SMPD3: variants seen among roughly 807,000 people sequenced by gnomAD.
SMPD3 encodes the protein sphingomyelin phosphodiesterase 3.
A neutral mutation model predicts 55.7 loss-of-function variants in SMPD3; 21 were observed. That is an observed-to-expected ratio of 0.38 (90% confidence interval 0.27 to 0.54). The LOEUF (loss-of-function observed/expected upper bound fraction) is 0.54. SMPD3 is among the 20% of genes least tolerant of loss of function. SMPD3 has a pLI of 0.80. For synonymous variants in SMPD3, 457 were observed against 404.3 expected, an observed-to-expected ratio of 1.13 and a Z score of -1.56; for missense variants, 842 against 899.6, an observed-to-expected ratio of 0.94 and a Z score of 0.82.
chr16:68,412,697 T>A (rs1211796692), intron 1 of SMPD3, among the ~76,000 whole-genome samples: 2 of 152,240 alleles, frequency 1.3e-5, no homozygotes, highest in East Asian at 3.8e-4. Context: ...CAGTGAGGAA[T>A]CAGCCTGGAA....
In SMPD3 at chr16:68,447,620, C is replaced by T. The variant is rs1229254610; in HGVS notation, c.-269+733G>A. ...GCGCGGGGGATTCCGAGTGTCAGTG[C>T]TTTCCTCCACCCGCGACTCCGAGAA... On this transcript the variant is annotated intron_variant, in intron 1 of 8. Coordinates refer to ENST00000219334, the MANE Select transcript of SMPD3 (RefSeq NM_018667.4). The surrounding 1 kb of genome is among the most constrained non-coding windows in gnomAD (Gnocchi z 5.1). 6.6e-6 allele frequency among the ~76,000 whole-genome samples: 1 copy of T among 152,162 alleles called. No individual in the cohort carries two copies. The highest frequency in any genetic ancestry group is 1.5e-5 in the Non-Finnish European group (1 of 67,990).
chr16:68,361,144 A>C lies in SMPD3; in HGVS notation c.*62T>G. 6.8e-7 allele frequency: 1 copy of C among 1,471,318 alleles called. No individual in the cohort carries two copies. Among genetic ancestry groups the C allele is most frequent in the Non-Finnish European group, 9.4e-7 (1 of 1,062,658 alleles). 91.1% of individuals were successfully genotyped at this position (1,471,318 alleles called of 1,614,324 possible). On this transcript the variant is annotated 3_prime_UTR_variant, in exon 9 of 9. Transcript: ENST00000219334. ...AAGCACCGGGCACTCGATGGAGGGGACATGGCCCAGGGATGGGCTGCAGCT... is the reference window on the plus strand; with the variant it reads ...AAGCACCGGGCACTCGATGGAGGGGCCATGGCCCAGGGATGGGCTGCAGCT...
intron 2 of SMPD3, among the ~76,000 whole-genome samples, chr16:68,381,475 G>A (rs967664784): frequency 1.3e-5 from 2 of 152,222 alleles, no homozygotes; most frequent in Non-Finnish European, 2.9e-5. Flanking sequence ...GGAGCACCTG[G>A]AACCTGATGT....
intron 2 of SMPD3, among the ~76,000 whole-genome samples, chr16:68,378,099 GCCT>G (rs2151992887): frequency 6.6e-6 from 1 of 152,328 alleles, no homozygotes; most frequent in African/African-American, 2.4e-5. Flanking sequence ...GAGCAGAGAG[GCCT>G]CCTCTGAGTC....
At chr16:68,411,439 C>T (rs75721763) in intron 1 of SMPD3, among the ~76,000 whole-genome samples, 227 of 152,340 alleles carry the variant, frequency 1.5e-3, no homozygotes, top group African/African-American at 5.3e-3. Flanking sequence ...AAATGAGCAC[C>T]TACCCATCTT....
At chr16:68,361,379 G>T in intron 8 of SMPD3, 72 bp from the exon 9 acceptor site, 2 of 1,501,282 alleles carry the variant, frequency 1.3e-6, no homozygotes, top group Non-Finnish European at 9.1e-7. Flanking sequence ...GCGGCCTGGG[G>T]ATCCCCAAAG....
At chr16:68,378,964 C>G (rs555856528) in intron 2 of SMPD3, among the ~76,000 whole-genome samples, 1 of 152,240 alleles carries the variant, frequency 6.6e-6, no homozygotes, top group Admixed American at 6.5e-5. Context: ...GCACCCAAAG[C>G]CAGCACAACC....
At chr16:68,425,738 A>C (rs2152026847) in intron 1 of SMPD3, among the ~76,000 whole-genome samples, 1 of 152,292 alleles carries the variant, frequency 6.6e-6, no homozygotes, top group Non-Finnish European at 1.5e-5. Context: ...GATACTCAGC[A>C]AGATATCCGG....
intron 2 of SMPD3, among the ~76,000 whole-genome samples, chr16:68,373,979 G>A (rs528791186): frequency 1.1e-4 from 16 of 152,328 alleles, no homozygotes; most frequent in Non-Finnish European, 1.6e-4. Flanking sequence ...CCCTTGCCCC[G>A]GTGGCTTAGG....
chr16:68,408,387 T>C (rs552695228), intron 1 of SMPD3, among the ~76,000 whole-genome samples: 2 of 152,350 alleles, frequency 1.3e-5, no homozygotes, highest in East Asian at 3.9e-4. Flanking sequence ...TCTGCCCATA[T>C]GGGTATTTAA....
chr16:68,441,812 C>G (rs188901797), intron 1 of SMPD3, among the ~76,000 whole-genome samples: 1 of 152,200 alleles, frequency 6.6e-6, no homozygotes, highest in East Asian at 1.9e-4. Context: ...GTTGCCCAGG[C>G]TAGGGTGTGG....
At position 68,371,221 on chromosome 16, in the gene SMPD3, T is replaced by C. The variant is rs1199934346; in HGVS notation, c.961A>G (p.Ser321Gly). The change falls in exon 3 of 9, where the codon AGC becomes GGC. Residue 321 changes from serine to glycine, a missense_variant. Ser to Gly is a moderately conservative substitution (Grantham distance 56, BLOSUM62 0). Transcript: ENST00000219334. ...ACCGAGGCCTTGTACAGGAGCTTGC[T>C]GTTGGCACCTGGCTCCCCGCTGGCA... ...TSASGEPGAN[S>G]KLLYKASVVK... 1.2e-6 allele frequency: 2 copies of C among 1,607,964 alleles called. No individual in the cohort carries two copies. Among genetic ancestry groups the C allele is most frequent in the Non-Finnish European group, 1.7e-6 (2 of 1,177,588 alleles).
Position 68,371,391 on chromosome 16 carries a change from C to T in SMPD3, c.791G>A (p.Gly264Glu). The T allele has an allele frequency of 6.4e-7, 1 of 1,567,380 alleles. No homozygotes were observed. ...GCCAGCTCCGTTCCTGGCCTGGCCC[C>T]CAGGCACAGGGTCGTCAGCTTCAGG... The part of the protein sequence containing the change: ...RPPEADDPVP[G>E]GQARNGAGGG... Residue 264 changes from glycine (G) to glutamate (E), a missense_variant, in exon 3 of 9, where the codon GGG (glycine) becomes GAG (glutamate). By Grantham distance (98) the Gly-to-Glu change is moderately conservative. Transcript: ENST00000219334.
chr16:68,423,043 C>T (rs1471266023), intron 1 of SMPD3, among the ~76,000 whole-genome samples: 3 of 152,178 alleles, frequency 2.0e-5, no homozygotes, highest in African/African-American at 7.2e-5. Flanking sequence ...CAGTGATCTT[C>T]ACAACAACCT....
intron 1 of SMPD3, among the ~76,000 whole-genome samples, chr16:68,446,878 A>C (rs1369837937): frequency 6.6e-6 from 1 of 152,152 alleles, no homozygotes; most frequent in Non-Finnish European, 1.5e-5. Flanking sequence ...CGTGCACAGA[A>C]TCCTGGGTGC....
In SMPD3 at chr16:68,371,331, T is replaced by C. The variant is rs764438747; in HGVS notation, c.851A>G (p.Gln284Arg). 1.9e-6 allele frequency: 3 copies of C among 1,593,250 alleles called. No homozygotes were observed. In the African/African-American group the frequency reaches 4.0e-5, roughly 21 times the overall value. The change falls in exon 3 of 9, where the codon CAG becomes CGG. Residue 284 changes from glutamine to arginine, a missense_variant. Coordinates refer to ENST00000219334, the MANE Select transcript of SMPD3 (RefSeq NM_018667.4). Reference protein sequence around the residue: ...GPRGQTPNHNQQDGDSGSLGS... With the variant: ...GPRGQTPNHNRQDGDSGSLGS... ...CAGGCTCCCTGAATCCCCGTCCTGC[T>C]GATTATGGTTGGGCGTCTGGCCCCT...
At chr16:68,432,801 T>TTTTGC in intron 1 of SMPD3, among the ~76,000 whole-genome samples, 2 of 152,232 alleles carry the variant, frequency 1.3e-5, no homozygotes, top group South Asian at 4.1e-4. Flanking sequence ...TTTGACTTTG[T>TTTTGC]TTTTCTTTTC....
chr16:68,441,532 A>G (rs897517472), intron 1 of SMPD3, among the ~76,000 whole-genome samples: 1 of 152,144 alleles, frequency 6.6e-6, no homozygotes, highest in Non-Finnish European at 1.5e-5. Flanking sequence ...TAATATATCT[A>G]AAATATTATT....
chr16:68,402,458 C>T lies in SMPD3; in HGVS notation c.-268-15799G>A, dbSNP rs1002210123. On this transcript the variant is annotated intron_variant, in intron 1 of 8. Coordinates refer to ENST00000219334, the MANE Select transcript of SMPD3 (RefSeq NM_018667.4). ...GCTGTAGGAGTCCCACAGAGCAGGGCCCACATGAGGTCAGTGGGTACATTT... is the reference window on the plus strand; with the variant it reads ...GCTGTAGGAGTCCCACAGAGCAGGGTCCACATGAGGTCAGTGGGTACATTT... 1.8e-4 allele frequency among the ~76,000 whole-genome samples: 28 copies of T among 152,138 alleles called. 2 individuals are homozygous for T. The highest frequency in any genetic ancestry group is 1.5e-5 in the Non-Finnish European group (1 of 68,018).
Sources: allele counts gnomAD v4.1 joint callset (sites outside exome capture counted in the v4.1 genomes callset), GRCh38; gene constraint gnomAD v4.1.1; non-coding constraint Gnocchi (gnomAD v3.1); transcripts MANE v1.5; gene names NCBI Gene and HGNC (gene_info 2026-07-23, HGNC 2026-07-21).